CCDC73: variants seen among roughly 807,000 people sequenced by gnomAD.
CCDC73 encodes coiled-coil domain-containing protein 73.
A neutral mutation model predicts 116.5 loss-of-function variants in CCDC73; 95 were observed. The ratio of observed to expected loss-of-function variants is 0.82; its 90% confidence interval spans 0.69 to 0.97. CCDC73 has a LOEUF of 0.97. Among genes scored for constraint, CCDC73 ranks in the 50% least tolerant of loss-of-function variants. CCDC73 has a pLI of 0.00. For missense variants in CCDC73, 1,066 were observed against 1,206.8 expected (o/e 0.88, Z 1.73); for synonymous variants, 398 against 401.3 (o/e 0.99, Z 0.10).
chr11:32,786,689 T>C (rs562181475), intron 1 of CCDC73, among the ~76,000 whole-genome samples: 1 of 151,688 alleles, frequency 6.6e-6, no homozygotes, highest in Non-Finnish European at 1.5e-5. Context: ...GTTTAAGAGA[T>C]ATAAAGGCTT....
intron 3 of CCDC73, among the ~76,000 whole-genome samples, chr11:32,712,579 AT>A (rs1219265193): frequency 4.3e-3 from 1 of 234 alleles, no homozygotes; most frequent in African/African-American, 0.011. Flanking sequence ...TAAATAAAAA[AT>A]AAGAGGCATG....
chr11:32,793,488 C>T (rs945073620), intron 1 of CCDC73, among the ~76,000 whole-genome samples: 2 of 152,210 alleles, frequency 1.3e-5, no homozygotes, highest in African/African-American at 2.4e-5. Context: ...GGAATCTTCA[C>T]ATTTTCTTTC....
At chr11:32,661,736 A>G (rs1855929290) in intron 9 of CCDC73, among the ~76,000 whole-genome samples, 1 of 151,170 alleles carries the variant, frequency 6.6e-6, no homozygotes, top group South Asian at 2.1e-4. Flanking sequence ...CACAATGTGC[A>G]GGTCTGTTAC....
At chr11:32,750,480 G>T (rs1850278890) in intron 2 of CCDC73, among the ~76,000 whole-genome samples, 1 of 152,114 alleles carries the variant, frequency 6.6e-6, no homozygotes, top group South Asian at 2.1e-4. Context: ...CAGGAGCCAG[G>T]GCCCAGAGTC....
chr11:32,668,778 G>A (rs963582903), intron 9 of CCDC73, among the ~76,000 whole-genome samples: 1 of 152,160 alleles, frequency 6.6e-6, no homozygotes, highest in Admixed American at 6.6e-5. Flanking sequence ...GACAAGTGCA[G>A]TTTTATTACC....
the CCDC73 span, among the ~76,000 whole-genome samples, chr11:32,800,928 T>A: frequency 6.6e-6 from 1 of 152,184 alleles, no homozygotes. Flanking sequence ...AATTGAGTTG[T>A]CAATAAAGTT....
At chr11:32,757,704 G>C (rs1025081188) in intron 2 of CCDC73, among the ~76,000 whole-genome samples, 1 of 152,100 alleles carries the variant, frequency 6.6e-6, no homozygotes, top group Non-Finnish European at 1.5e-5. Flanking sequence ...AAAGCTAGCA[G>C]CATAACATCT....
chr11:32,616,021 C>T lies in CCDC73; in HGVS notation c.1294G>A (p.Glu432Lys), dbSNP rs866351768. ...TATTCAGTATCTGAACAAAAATTCT[C>T]CATATTTTCTTCCCTTATTTCTTGC... The part of the protein sequence containing the change: ...TEQEIREENM[E>K]NFCSDTEYRE... Residue 432 changes from glutamate (E) to lysine (K), a missense_variant, in exon 15 of 18, where the codon GAG (glutamate) becomes AAG (lysine). Physicochemically the swap from Glu to Lys is moderately conservative, Grantham distance 56. Transcript: ENST00000335185. 6.2e-7 allele frequency: 1 copy of T among 1,602,460 alleles called. No homozygotes were observed. Among genetic ancestry groups the T allele is most frequent in the Non-Finnish European group, 8.5e-7 (1 of 1,174,654 alleles).
intron 2 of CCDC73, among the ~76,000 whole-genome samples, chr11:32,730,848 G>T (rs1050682955): frequency 6.6e-6 from 1 of 152,218 alleles, no homozygotes; most frequent in East Asian, 1.9e-4. Context: ...TAGCATGAGC[G>T]ATGCAGAAGA....
At chr11:32,653,085 C>A in intron 12 of CCDC73, 38 bp downstream of exon 12, 1 of 1,213,388 alleles carries the variant, frequency 8.2e-7, no homozygotes, top group Non-Finnish European at 1.2e-6. Flanking sequence ...TACTAAAACA[C>A]AGATAGATAG....
At chr11:32,727,738 G>A (rs1850040766) in intron 2 of CCDC73, among the ~76,000 whole-genome samples, 1 of 151,836 alleles carries the variant, frequency 6.6e-6, no homozygotes, top group South Asian at 2.1e-4. Context: ...CGTCCGGCTA[G>A]TTTTTGTATT....
At chr11:32,631,343 A>C (rs893145280) in intron 14 of CCDC73, among the ~76,000 whole-genome samples, 16 of 152,238 alleles carry the variant, frequency 1.1e-4, no homozygotes, top group African/African-American at 3.9e-4. Context: ...TGGCCAAAAA[A>C]TAGGTCTTAG....
chr11:32,760,030 T>A lies in CCDC73; in HGVS notation c.135+79A>T, dbSNP rs1171676300. ...TCTAAACAAGAGGGATTTTTTAGGC[T>A]TTTTATTCTTTAAAAAACAATAAAC... On this transcript the variant is annotated intron_variant, in intron 2 of 17. Coordinates refer to ENST00000335185, the MANE Select transcript of CCDC73 (RefSeq NM_001008391.4). The A allele has an allele frequency of 2.4e-6, 3 of 1,238,088 alleles. No homozygotes were observed. The Admixed American group carries it at 6.9e-5, about 28-fold the overall frequency. The allele number at this position is 1,238,088 out of a possible 1,614,324, so 76.7% of individuals were successfully genotyped here.
intron 13 of CCDC73, among the ~76,000 whole-genome samples, chr11:32,638,369 C>T (rs1269425464): frequency 1.3e-5 from 2 of 152,234 alleles, no homozygotes; most frequent in Non-Finnish European, 2.9e-5. Flanking sequence ...AAGCTGATCT[C>T]AACCTATATT....
intron 4 of CCDC73, among the ~76,000 whole-genome samples, chr11:32,701,757 T>C (rs764211479): frequency 2.0e-5 from 3 of 151,914 alleles, no homozygotes; most frequent in Non-Finnish European, 4.4e-5. Flanking sequence ...CAAAGGAAAA[T>C]TATGAAATAT....
intron 1 of CCDC73, among the ~76,000 whole-genome samples, chr11:32,772,671 TAAAAC>T (rs1850501251): frequency 6.6e-6 from 1 of 152,156 alleles, no homozygotes; most frequent in Admixed American, 6.5e-5. Flanking sequence ...TATAAAGAGA[TAAAAC>T]AAATATAGCA....
chr11:32,645,490 C>G (rs536160216), intron 12 of CCDC73, among the ~76,000 whole-genome samples: 85 of 152,042 alleles, frequency 5.6e-4, no homozygotes, highest in African/African-American at 2.0e-3. Flanking sequence ...GGGGTTTCAC[C>G]ATGTTGGTCA....
chr11:32,707,199 T>C (rs898202691), intron 3 of CCDC73, among the ~76,000 whole-genome samples: 1 of 152,098 alleles, frequency 6.6e-6, no homozygotes, highest in Admixed American at 6.5e-5. Context: ...ATGACTGGTA[T>C]AAAAATAGTC....
chr11:32,745,350 C>T (rs574335363), intron 2 of CCDC73, among the ~76,000 whole-genome samples: 185 of 152,142 alleles, frequency 1.2e-3, no homozygotes, highest in Non-Finnish European at 2.0e-3. Flanking sequence ...AGAATAAGTG[C>T]GATGTGGTGC....
Sources: allele counts gnomAD v4.1 joint callset (sites outside exome capture counted in the v4.1 genomes callset), GRCh38; gene constraint gnomAD v4.1.1; transcripts MANE v1.5; gene names NCBI Gene and HGNC (gene_info 2026-07-23, HGNC 2026-07-21).